DORIP1: variants seen among roughly 807,000 people sequenced by gnomAD.
The protein encoded by DORIP1 is dopamine receptor-interacting protein 1.
chr14:44,904,542 G>T, the DORIP1 span: 2 of 1,557,676 alleles, frequency 1.3e-6, no homozygotes, highest in Admixed American at 2.1e-5. Context: ...AGGTGTTTTT[G>T]TTGTTGTTTC....
At chr14:44,905,422 G>C in the DORIP1 span, 2 of 1,567,658 alleles carry the variant, frequency 1.3e-6, no homozygotes, top group South Asian at 1.2e-5. Context: ...TTATTCTGCA[G>C]CTTTCCAGAT....
At chr14:44,897,882 G>A in the DORIP1 span, among the ~76,000 whole-genome samples, 1 of 152,190 alleles carries the variant, frequency 6.6e-6, no homozygotes, top group Non-Finnish European at 1.5e-5. Context: ...GGTAGCGCGT[G>A]GCTGTACAGG....
At chr14:44,903,696 G>A in the DORIP1 span, 1 of 975,506 alleles carries the variant, frequency 1.0e-6, no homozygotes, top group Non-Finnish European at 1.2e-6. Context: ...AATTTTCTGT[G>A]ACTACATTAT....
At chr14:44,903,227 A>G in the DORIP1 span, 2 of 1,612,854 alleles carry the variant, frequency 1.2e-6, no homozygotes, top group Non-Finnish European at 1.7e-6. Context: ...GAAATTCCAC[A>G]TGGAAACTTG....
chr14:44,900,665 C>T, the DORIP1 span: 2 of 1,610,912 alleles, frequency 1.2e-6, no homozygotes, highest in Non-Finnish European at 1.7e-6. Context: ...GAAAACTTCC[C>T]TAGGGAACTC....
the DORIP1 span, chr14:44,903,370 G>A: frequency 3.3e-6 from 5 of 1,519,238 alleles, no homozygotes; most frequent in African/African-American, 6.9e-5. Flanking sequence ...TGTGCTCCTT[G>A]AAGTACTTTA....
chr14:44,905,154 C>A, the DORIP1 span: 1 of 370,354 alleles, frequency 2.7e-6, no homozygotes, highest in Non-Finnish European at 4.8e-6. Context: ...AAGAAACATA[C>A]AGGTTATAAG....
the DORIP1 span, chr14:44,905,134 T>A: frequency 8.7e-6 from 3 of 343,700 alleles, no homozygotes; most frequent in African/African-American, 6.3e-5. Context: ...ACGTGTTTAC[T>A]CTTTTTTAAA....
chr14:44,902,642 T>G, the DORIP1 span, among the ~76,000 whole-genome samples: 22 of 152,174 alleles, frequency 1.4e-4, no homozygotes, highest in Non-Finnish European at 3.1e-4. Context: ...TTTTAAAAAC[T>G]AGTTTCATCT....
the DORIP1 span, chr14:44,904,226 C>G: frequency 1.0e-6 from 1 of 985,126 alleles, no homozygotes; most frequent in African/African-American, 1.7e-5. Context: ...ACTTCTGGAA[C>G]TATTAGGTGA....
At chr14:44,897,933 C>T in the DORIP1 span, among the ~76,000 whole-genome samples, 2 of 152,158 alleles carry the variant, frequency 1.3e-5, no homozygotes, top group African/African-American at 4.8e-5. Flanking sequence ...TTTTAGAATC[C>T]CTGAGTCCTT....
chr14:44,900,369 C>G, the DORIP1 span: 1 of 1,294,242 alleles, frequency 7.7e-7, no homozygotes, highest in Non-Finnish European at 1.0e-6. Flanking sequence ...TTCGTTTAAA[C>G]ATATTATGCA....
chr14:44,906,598 C>T, the DORIP1 span: 5 of 152,486 alleles, frequency 3.3e-5, no homozygotes, highest in Non-Finnish European at 7.4e-5. Context: ...TTATAAAGAC[C>T]CTAAGGTCAC....
the DORIP1 span, chr14:44,898,945 GT>G: frequency 6.6e-6 from 1 of 152,328 alleles, no homozygotes; most frequent in Non-Finnish European, 1.5e-5. Context: ...TTGAGTTCAT[GT>G]TGTGTTTGGG....
the DORIP1 span, chr14:44,897,477 G>A: frequency 1.9e-5 from 4 of 206,772 alleles, no homozygotes; most frequent in South Asian, 6.8e-5. Flanking sequence ...AGGCAGCGGC[G>A]GCGGCGGCGG....
At chr14:44,897,357 TG>T in the DORIP1 span, 5 of 157,062 alleles carry the variant, frequency 3.2e-5, no homozygotes, top group East Asian at 9.5e-4. Context: ...AGATTGGGCC[TG>T]GGCGCTGGAG....
the DORIP1 span, chr14:44,900,838 G>A: frequency 6.2e-6 from 10 of 1,614,072 alleles, no homozygotes; most frequent in East Asian, 6.7e-5. Flanking sequence ...GTTTGGGAAT[G>A]AGCATGATAA....
the DORIP1 span, chr14:44,897,493 G>T: frequency 4.9e-6 from 1 of 206,094 alleles, no homozygotes; most frequent in Non-Finnish European, 9.5e-6. Flanking sequence ...GGCGGCGGCG[G>T]CAGCCCGGGC....
the DORIP1 span, chr14:44,905,181 T>C: frequency 2.4e-6 from 1 of 410,052 alleles, no homozygotes. Context: ...TGTTAAAATA[T>C]GTTTTTAAGA....
Sources: gnomAD v4.1 joint callset for allele counts (sites outside exome capture counted in the v4.1 genomes callset) on GRCh38, gnomAD v4.1.1 for gene constraint, MANE v1.5 for transcripts, NCBI Gene and HGNC (gene_info 2026-07-23, HGNC 2026-07-21) for gene names.